Variants in USH2A observed in about 807,000 individuals in gnomAD.
The protein encoded by USH2A is usherin, also known as Usher syndrome 2A (autosomal recessive, mild).
A neutral mutation model predicts 538.9 loss-of-function variants in USH2A; 443 were observed. The observed-to-expected ratio is 0.82, with a 90% CI of 0.76 to 0.89. The LOEUF is 0.89. USH2A is among the 40% of genes least tolerant of loss of function. USH2A has a pLI of 0.00. For missense variants in USH2A, 6,633 were observed against 6,324.8 expected (o/e 1.05, Z -1.65); for synonymous variants, 2,413 against 2,273.5 (o/e 1.06, Z -1.75).
intron 21 of USH2A, among the ~76,000 whole-genome samples, chr1:216,131,281 T>C (rs578146537): frequency 1.3e-5 from 2 of 152,150 alleles, no homozygotes; most frequent in Non-Finnish European, 2.9e-5. Flanking sequence ...CTGCTGGCTA[T>C]TCCTTTTGCT....
Position 215,783,755 on chromosome 1 carries a change from T to C in USH2A, c.10388-820A>G, listed in dbSNP as rs149467763. Among the ~76,000 whole-genome samples the C allele has an allele frequency of 5.4e-4, 82 of 152,324 alleles. No homozygotes were observed. In the East Asian group the frequency reaches 0.011, roughly 21 times the overall value. On this transcript the variant is annotated intron_variant, in intron 52 of 71. Coordinates refer to ENST00000307340, the MANE Select transcript of USH2A (RefSeq NM_206933.4). ...TAATTTGATGAATTTTAAGTAAGTA[T>C]GTATGTATTTTTGTGTGTTAGCTTC...
At chr1:215,876,011 T>C (rs891458262) in intron 43 of USH2A, among the ~76,000 whole-genome samples, 1 of 149,708 alleles carries the variant, frequency 6.7e-6, no homozygotes, top group African/African-American at 2.4e-5. Context: ...GGGGGAAGGG[T>C]TCCTCCACTA....
At chr1:215,990,018 T>C (rs183484192) in intron 35 of USH2A, among the ~76,000 whole-genome samples, 2 of 152,282 alleles carry the variant, frequency 1.3e-5, no homozygotes, top group East Asian at 3.9e-4. Context: ...GTTTGAGAAA[T>C]ACCATTTAAA....
At chr1:215,820,921 A>G (rs967224952) in intron 47 of USH2A, among the ~76,000 whole-genome samples, 2 of 150,746 alleles carry the variant, frequency 1.3e-5, no homozygotes, top group Non-Finnish European at 3.0e-5. Flanking sequence ...AATAGGAGTT[A>G]AGTCTTTTTT....
At chr1:215,789,705 G>A (rs191667766) in intron 51 of USH2A, among the ~76,000 whole-genome samples, 55 of 152,174 alleles carry the variant, frequency 3.6e-4, no homozygotes, top group Non-Finnish European at 6.5e-4. Context: ...GAGAAGAAGC[G>A]GGAATTTCCT....
intron 35 of USH2A, among the ~76,000 whole-genome samples, chr1:215,980,972 G>A (rs1179517304): frequency 6.6e-6 from 1 of 152,084 alleles, no homozygotes; most frequent in Admixed American, 6.6e-5. Context: ...GTCCTGGAGA[G>A]GAATTGTTGA....
intron 3 of USH2A, among the ~76,000 whole-genome samples, chr1:216,368,363 C>T (rs2038639351): frequency 6.6e-6 from 1 of 152,112 alleles, no homozygotes; most frequent in African/African-American, 2.4e-5. Flanking sequence ...TAGTAATTTT[C>T]CACAATCACC....
chr1:215,780,351 G>C (rs150893251), intron 54 of USH2A, among the ~76,000 whole-genome samples: 1 of 152,266 alleles, frequency 6.6e-6, no homozygotes, highest in Non-Finnish European at 1.5e-5. Context: ...TGTCTTACTA[G>C]AGAACTCTTG....
chr1:216,309,233 T>C (rs370781278), intron 9 of USH2A, among the ~76,000 whole-genome samples: 7 of 152,308 alleles, frequency 4.6e-5, no homozygotes, highest in African/African-American at 1.4e-4. Flanking sequence ...AATGTGTCTT[T>C]ACTTAAAATT....
At chr1:215,691,465 C>A (rs1204268248) in intron 61 of USH2A, among the ~76,000 whole-genome samples, 1 of 152,152 alleles carries the variant, frequency 6.6e-6, no homozygotes, top group East Asian at 1.9e-4. Flanking sequence ...TGGCTGTTTT[C>A]TCTGCCTGCA....
At chr1:215,669,030 G>A (rs1030241969) in intron 64 of USH2A, among the ~76,000 whole-genome samples, 8 of 152,140 alleles carry the variant, frequency 5.3e-5, no homozygotes, top group African/African-American at 1.4e-4. Flanking sequence ...GTGACAGAGC[G>A]AGACTCTGTC....
intron 23 of USH2A, among the ~76,000 whole-genome samples, chr1:216,088,509 T>TACAGA (rs1205985124): frequency 2.0e-5 from 3 of 152,160 alleles, no homozygotes; most frequent in Non-Finnish European, 4.4e-5. Context: ...ACAGGTACAG[T>TACAGA]GATCATGTTA....
chr1:216,198,707 T>C (rs994585249), intron 17 of USH2A, 123 bp from the exon 18 acceptor site: 65 of 902,962 alleles, frequency 7.2e-5, no homozygotes, highest in Non-Finnish European at 1.0e-4. Context: ...TAGATTACTG[T>C]CAATTTCTTT....
chr1:215,960,561 T>C (rs17025764), intron 37 of USH2A, among the ~76,000 whole-genome samples: 1,850 of 152,184 alleles, frequency 0.012, 31 homozygotes, highest in East Asian at 0.064. Context: ...GGTCAGTAAA[T>C]GGCACTTGCA....
chr1:215,681,332 A>AACACAC (rs10625816), intron 61 of USH2A, among the ~76,000 whole-genome samples: 1,959 of 148,174 alleles, frequency 0.013, 39 homozygotes, highest in African/African-American at 0.044. Context: ...CACACACACG[A>AACACAC]ACACACACAC....
chr1:215,813,472 G>C (rs1374103893), intron 49 of USH2A, among the ~76,000 whole-genome samples: 1 of 152,142 alleles, frequency 6.6e-6, no homozygotes, highest in Non-Finnish European at 1.5e-5. Flanking sequence ...CAAGATAAAA[G>C]GAGTTAGCCA....
At chr1:215,919,353 ATTAAG>A (rs2102487098) in intron 38 of USH2A, among the ~76,000 whole-genome samples, 1 of 152,250 alleles carries the variant, frequency 6.6e-6, no homozygotes, top group Non-Finnish European at 1.5e-5. Context: ...CATCATCATA[ATTAAG>A]TTCTCAGTGT....
At chr1:216,158,109 T>C (rs1310472167) in intron 21 of USH2A, among the ~76,000 whole-genome samples, 6 of 152,152 alleles carry the variant, frequency 3.9e-5, no homozygotes, top group African/African-American at 1.4e-4. Context: ...ACTGAATAAA[T>C]TTATTATAAT....
rs1480663051 is a variant in USH2A at position 215,969,803 on chromosome 1, C to T, written c.6957+822G>A. ...TCCAAGGTAATATTTATATAATATA[C>T]TCTTCAGTGAAGACAGCATGCACTA... On this transcript the variant is annotated intron_variant, in intron 36 of 71. Coordinates refer to ENST00000307340, the MANE Select transcript of USH2A (RefSeq NM_206933.4). 2.6e-5 allele frequency among the ~76,000 whole-genome samples: 4 copies of T among 152,222 alleles called. No homozygotes were observed. In the East Asian group the frequency reaches 7.7e-4, roughly 29 times the overall value.
Sources: allele counts gnomAD v4.1 joint callset (sites outside exome capture counted in the v4.1 genomes callset), GRCh38; gene constraint gnomAD v4.1.1; transcripts MANE v1.5; gene names NCBI Gene and HGNC (gene_info 2026-07-23, HGNC 2026-07-21).